Variants in MTDH observed in about 807,000 individuals in gnomAD.
MTDH encodes the protein metadherin, also known as protein LYRIC.
In MTDH, 34 loss-of-function variants were observed where a neutral mutation model predicts 72.7. The ratio of observed to expected loss-of-function variants is 0.47; its 90% confidence interval spans 0.36 to 0.62. The LOEUF is 0.62. Among genes scored for constraint, MTDH ranks in the 20% least tolerant of loss-of-function variants. The pLI, the probability that MTDH is intolerant of heterozygous loss-of-function variation, is 0.00. For missense variants in MTDH, 677 were observed against 699.4 expected, an observed-to-expected ratio of 0.97 and a Z score of 0.36; for synonymous variants, 266 against 268.9, an observed-to-expected ratio of 0.99 and a Z score of 0.10.
chr8:97,689,038 G>A lies in MTDH; in HGVS notation c.746G>A (p.Gly249Asp). ...SFPVGSKKNKGDSHLNVQVSN... is the reference protein window; with the variant it reads ...SFPVGSKKNKDDSHLNVQVSN... ...TAAATTTTATTTCTATTTTAACCAG[G>A]TGATTCTCATCTAAATGTTCAAGTT... The change falls in exon 5 of 12, where the codon GGT becomes GAT. Residue 249 changes from glycine to aspartate, a missense_variant and splice_region_variant. Transcript: ENST00000336273. 2 of 1,532,830 alleles carry A rather than the reference G, an allele frequency of 1.3e-6. No homozygotes were observed. Among genetic ancestry groups the A allele is most frequent in the South Asian group, 1.2e-5 (1 of 83,106 alleles). 95.0% of individuals were successfully genotyped at this position (1,532,830 alleles called of 1,614,324 possible).
Position 97,659,016 on chromosome 8 carries a change from A to C in MTDH, c.382-2056A>C, listed in dbSNP as rs542477851. On this transcript the variant is annotated intron_variant, in intron 1 of 11. Transcript: ENST00000336273. ...AAATTAGCTGGGCGTGGTGGCAGGC[A>C]TCTGTAGTCCCAGCTACTTGGGAAG... 1.5e-3 allele frequency among the ~76,000 whole-genome samples: 227 copies of C among 152,100 alleles called. 5 individuals are homozygous for C. The South Asian group carries it at 0.018, about 12-fold the overall frequency.
At chr8:97,662,351 TA>T (rs929910197) in intron 2 of MTDH, among the ~76,000 whole-genome samples, 4 of 147,790 alleles carry the variant, frequency 2.7e-5, no homozygotes, top group Admixed American at 1.3e-4. Flanking sequence ...TCCCCCTTTT[TA>T]AAAAAAAATC....
intron 11 of MTDH, among the ~76,000 whole-genome samples, chr8:97,724,135 C>T (rs956082065): frequency 6.6e-6 from 1 of 152,192 alleles, no homozygotes; most frequent in African/African-American, 2.4e-5. Flanking sequence ...CTATCTATCT[C>T]TGAAGGAGAG....
At chr8:97,647,536 G>T (rs1013147926) in intron 1 of MTDH, among the ~76,000 whole-genome samples, 6 of 152,114 alleles carry the variant, frequency 3.9e-5, no homozygotes, top group African/African-American at 1.4e-4. Flanking sequence ...CTAAAAAAAG[G>T]GGGGAAGGGA....
In MTDH at chr8:97,687,571, C is replaced by T. The variant is rs1382359397; in HGVS notation, c.711C>T (p.Thr237=). Residue 237 remains threonine, a synonymous_variant, in exon 4 of 12, where the codon ACC becomes ACT. Coordinates refer to ENST00000336273, the MANE Select transcript of MTDH (RefSeq NM_178812.4). ...TITVTTEQLT[T]ASFPVGSKKN... ...CAGTTACCACCGAGCAACTTACAACCGCATCATTTCCTGTTGGTTCCAAGA... is the reference window on the plus strand; with the variant it reads ...CAGTTACCACCGAGCAACTTACAACTGCATCATTTCCTGTTGGTTCCAAGA... 10 of 1,609,024 alleles carry T rather than the reference C, an allele frequency of 6.2e-6. No individual in the cohort carries two copies. The highest frequency in any genetic ancestry group is 4.5e-5 in the East Asian group (2 of 44,664).
chr8:97,696,293 G>A (rs1205103420), intron 6 of MTDH: 1 of 984,720 alleles, frequency 1.0e-6, no homozygotes, highest in Non-Finnish European at 1.2e-6. Flanking sequence ...TGCTGTTTCT[G>A]GTATGTGAAA....
At chr8:97,697,150 A>ATATATATATATATAT in intron 6 of MTDH, among the ~76,000 whole-genome samples, 4 of 68,792 alleles carry the variant, frequency 5.8e-5, no homozygotes, top group East Asian at 1.4e-3. Context: ...ATATATATAT[A>ATATATATATATATAT]TTTTTTTTTT....
intron 2 of MTDH, among the ~76,000 whole-genome samples, chr8:97,675,299 A>G (rs1488020477): frequency 6.6e-6 from 1 of 152,108 alleles, no homozygotes; most frequent in African/African-American, 2.4e-5. Context: ...AGTGGCTCAC[A>G]CCTGTAATCC....
At chr8:97,698,918 C>T (rs998169650) in intron 6 of MTDH, among the ~76,000 whole-genome samples, 13 of 152,004 alleles carry the variant, frequency 8.6e-5, no homozygotes, top group African/African-American at 2.9e-4. Context: ...AGAGGAGGAT[C>T]CCTGTAGACC....
At chr8:97,679,963 T>A (rs1768472204) in intron 2 of MTDH, among the ~76,000 whole-genome samples, 1 of 152,246 alleles carries the variant, frequency 6.6e-6, no homozygotes, top group South Asian at 2.1e-4. Context: ...TTCGTCATAA[T>A]TTCCTAAGGA....
chr8:97,729,876 C>T lies in MTDH; in HGVS notation c.*5206C>T, dbSNP rs1176909010. Among the ~76,000 whole-genome samples, 1 of 152,094 alleles carries T rather than the reference C, an allele frequency of 6.6e-6. No homozygotes were observed. Among genetic ancestry groups the T allele is most frequent in the Non-Finnish European group, 1.5e-5 (1 of 68,014 alleles). ...ACAGAGGCTGAGAGAAACTTAGTAG[C>T]CTGCCTGCGCATACTGCAAGTACAG... is the stretch of plus-strand genomic sequence containing the variant. On this transcript the variant is annotated 3_prime_UTR_variant, in exon 12 of 12. Transcript: ENST00000336273.
chr8:97,671,320 C>T (rs561898278), intron 2 of MTDH, among the ~76,000 whole-genome samples: 5 of 152,192 alleles, frequency 3.3e-5, no homozygotes, highest in East Asian at 1.9e-4. Flanking sequence ...CAAACCATAT[C>T]GTGCCTCAGT....
intron 9 of MTDH, among the ~76,000 whole-genome samples, chr8:97,717,622 T>TC (rs35043860): frequency 0.033 from 4,348 of 132,702 alleles, 76 homozygotes; most frequent in Middle Eastern, 0.059. Context: ...TAAATTTTTA[T>TC]CCCCCCCCCC....
chr8:97,720,789 G>A (rs1815090928), intron 10 of MTDH, among the ~76,000 whole-genome samples: 3 of 151,474 alleles, frequency 2.0e-5, no homozygotes, highest in Admixed American at 1.3e-4. Flanking sequence ...AAGTAGCTGG[G>A]ATTACAGGTG....
At chr8:97,645,398 C>A (rs989649863) in intron 1 of MTDH, among the ~76,000 whole-genome samples, 1 of 152,170 alleles carries the variant, frequency 6.6e-6, no homozygotes, top group African/African-American at 2.4e-5. Flanking sequence ...CAGGTCTAGA[C>A]GCGCTTCCAT....
intron 3 of MTDH, 119 bp from the exon 4 acceptor site, chr8:97,687,310 A>C (rs1813406214): frequency 1.3e-6 from 1 of 797,746 alleles, no homozygotes; most frequent in Non-Finnish European, 1.8e-6. Flanking sequence ...TCTTGGTTTT[A>C]GCTTAACATC....
intron 1 of MTDH, among the ~76,000 whole-genome samples, chr8:97,649,005 A>G (rs1272451703): frequency 6.6e-6 from 1 of 152,162 alleles, no homozygotes. Flanking sequence ...ATGACCCCAT[A>G]AGATTATGAT....
chr8:97,712,101 G>A (rs1419653596), intron 8 of MTDH, among the ~76,000 whole-genome samples: 1 of 152,178 alleles, frequency 6.6e-6, no homozygotes, highest in Non-Finnish European at 1.5e-5. Flanking sequence ...GCAGTGGCAT[G>A]ATCTCGGCTC....
chr8:97,684,659 C>G (rs183601041), intron 2 of MTDH, among the ~76,000 whole-genome samples: 1 of 152,168 alleles, frequency 6.6e-6, no homozygotes, highest in African/African-American at 2.4e-5. Flanking sequence ...AATATGTTAC[C>G]TTTACTTAAG....
Sources: gnomAD v4.1 joint callset for allele counts (sites outside exome capture counted in the v4.1 genomes callset) on GRCh38, gnomAD v4.1.1 for gene constraint, MANE v1.5 for transcripts, NCBI Gene and HGNC (gene_info 2026-07-23, HGNC 2026-07-21) for gene names.